IQCE: variants seen among roughly 807,000 people sequenced by gnomAD.
IQCE encodes the protein IQ motif containing E.
IQCE carries 115 observed loss-of-function variants against 96.0 expected under a neutral mutation model. The observed-to-expected ratio is 1.20, with a 90% CI of 1.03 to 1.40. The LOEUF is 1.40. IQCE is among the 40% of genes most tolerant of loss of function. The probability of loss-of-function intolerance (pLI) is 0.00; values close to 1 mark genes in which losing one functional copy is unlikely to be tolerated. For synonymous variants in IQCE, 412 were observed against 371.2 expected, an observed-to-expected ratio of 1.11 and a Z score of -1.26; for missense variants, 1,041 against 909.1, an observed-to-expected ratio of 1.15 and a Z score of -1.87.
rs144425687 is a variant in IQCE, at chr7:2,582,465, A to G, written c.631-115A>G. ...GGGCCCGTAGTCTAGAAGAGAGCACAGCGCTGGAGGGAGGAAGGACAGTGA... is the reference window on the plus strand; with the variant it reads ...GGGCCCGTAGTCTAGAAGAGAGCACGGCGCTGGAGGGAGGAAGGACAGTGA... On this transcript the variant is annotated intron_variant, in intron 8 of 21. Transcript: ENST00000402050. 3.7e-5 allele frequency: 30 copies of G among 818,620 alleles called. No individual in the cohort carries two copies. In the African/African-American group the frequency reaches 4.7e-4, roughly 13 times the overall value. The allele number at this position is 818,620 out of a possible 1,614,324, so 50.7% of individuals were successfully genotyped here.
At chr7:2,603,971 C>T (rs1358241953) in intron 18 of IQCE, among the ~76,000 whole-genome samples, 2 of 140,384 alleles carry the variant, frequency 1.4e-5, no homozygotes, top group African/African-American at 2.7e-5. Flanking sequence ...GTGTGAACTT[C>T]TTACGGAGCT....
rs1404615517 is a variant in IQCE at position 2,594,952 on chromosome 7, G to A, written c.1416G>A (p.Glu472=). ...AAGAAATGAAGAAAGAAGAGAAAGA[G>A]GATTGCCCGGAAGTTCCTCATAAGG... ...ELQEMKKEEK[E]DCPEVPHKAQ... Residue 472 remains glutamate, a synonymous_variant, in exon 16 of 22, where the codon GAG becomes GAA. Transcript: ENST00000402050. 6.2e-7 allele frequency: 1 copy of A among 1,613,274 alleles called. No individual in the cohort carries two copies. Among genetic ancestry groups the A allele is most frequent in the African/African-American group, 1.3e-5 (1 of 74,928 alleles).
chr7:2,607,424 C>T (rs183769559), intron 21 of IQCE, 197 bp downstream of exon 21: 36 of 1,341,664 alleles, frequency 2.7e-5, no homozygotes, highest in African/African-American at 1.5e-4. Flanking sequence ...CCAGCTTGTC[C>T]TTTGTGCCTG....
rs928395737 is a variant in IQCE, at chr7:2,571,368, A to G, written c.131-158A>G. On this transcript the variant is annotated intron_variant, in intron 3 of 21. Coordinates refer to ENST00000402050, the MANE Select transcript of IQCE (RefSeq NM_152558.5). ...AAAGTTAAAGGAGAAATGTCAGTAT[A>G]TAGGTAAAGTAACTCTTTTTTCATT... 5.9e-5 allele frequency: 50 copies of G among 845,112 alleles called. 1 individual carries two copies. Among genetic ancestry groups the G allele is most frequent in the Non-Finnish European group, 8.0e-5 (42 of 527,260 alleles). The allele number at this position is 845,112 out of a possible 1,614,324, so 52.4% of individuals were successfully genotyped here.
intron 2 of IQCE, among the ~76,000 whole-genome samples, chr7:2,568,708 C>T (rs1024395368): frequency 1.3e-5 from 2 of 152,126 alleles, no homozygotes; most frequent in South Asian, 2.1e-4. Context: ...AGCCCGGGCC[C>T]GATGGTTTTC....
intron 18 of IQCE, among the ~76,000 whole-genome samples, chr7:2,604,119 G>GCCCTC (rs1784626206): frequency 8.1e-6 from 1 of 124,184 alleles, no homozygotes. Flanking sequence ...CTCCTGAGTA[G>GCCCTC]CTGGGACTAC....
intron 20 of IQCE, 112 bp from the exon 21 acceptor site, chr7:2,607,012 T>G: frequency 1.0e-6 from 1 of 989,070 alleles, no homozygotes; most frequent in African/African-American, 1.7e-5. Flanking sequence ...GCTCTGTGTT[T>G]GCTTTCATTG....
chr7:2,594,896 C>G lies in IQCE; in HGVS notation c.1360C>G (p.Gln454Glu), dbSNP rs769101458. 3 of 1,611,570 alleles carry G rather than the reference C, an allele frequency of 1.9e-6. No homozygotes were observed. The East Asian group carries it at 6.7e-5, about 36-fold the overall frequency. ...EREEVLREEIQTLTSKLQELQ... is the reference protein window; with the variant it reads ...EREEVLREEIETLTSKLQELQ... ...CCCTTTCCGCCTTAGAGAGGAGATT[C>G]AGACACTTACCAGCAAGCTCCAAGA... The change falls in exon 16 of 22, where the codon CAG becomes GAG. Residue 454 changes from glutamine (Q) to glutamate (E), a missense_variant. By Grantham distance (29) the Gln-to-Glu change is conservative. Coordinates refer to ENST00000402050, the MANE Select transcript of IQCE (RefSeq NM_152558.5).
intron 1 of IQCE, among the ~76,000 whole-genome samples, chr7:2,561,523 G>GCATT (rs1374221411): frequency 6.6e-6 from 1 of 151,144 alleles, no homozygotes; most frequent in Non-Finnish European, 1.5e-5. Context: ...CGGGTTCATA[G>GCATT]CATTCTCCTG....
chr7:2,561,692 AT>A (rs1562613571), intron 1 of IQCE, among the ~76,000 whole-genome samples: 1 of 152,184 alleles, frequency 6.6e-6, no homozygotes, highest in African/African-American at 2.4e-5. Context: ...AAGTGCTGGG[AT>A]TACTGGCCTG....
At position 2,586,197 on chromosome 7, in the gene IQCE, G is replaced by A. The variant is rs745821447; in HGVS notation, c.825-11G>A. ...CAATGCAAACCTCAGTCCACGATTT[G>A]GTTGTTCCAGGCCCCTGGGGGAGAA... On this transcript the variant is annotated splice_polypyrimidine_tract_variant and intron_variant, in intron 11 of 21. Transcript: ENST00000402050. 118 of 1,609,522 alleles carry A rather than the reference G, an allele frequency of 7.3e-5. No homozygotes were observed. The highest frequency in any genetic ancestry group is 5.5e-4 in the South Asian group (50 of 90,542).
In IQCE at chr7:2,610,499, G is replaced by T; in HGVS notation, c.*337G>T. 4.2e-6 allele frequency: 1 copy of T among 236,720 alleles called. No homozygotes were observed. The highest frequency in any genetic ancestry group is 1.2e-4 in the East Asian group (1 of 8,036). 14.7% of individuals were successfully genotyped at this position (236,720 alleles called of 1,614,324 possible). ...TGACAGCACCTTGCCGCCTGCCCACGACCTTGACCGTGAGGAGCTGCTATC... is the reference window on the plus strand; with the variant it reads ...TGACAGCACCTTGCCGCCTGCCCACTACCTTGACCGTGAGGAGCTGCTATC... On this transcript the variant is annotated 3_prime_UTR_variant, in exon 22 of 22. Transcript: ENST00000402050.
chr7:2,599,960 A>C (rs975078543), intron 17 of IQCE, among the ~76,000 whole-genome samples: 1 of 151,722 alleles, frequency 6.6e-6, no homozygotes, highest in African/African-American at 2.4e-5. Flanking sequence ...TGCACAGCTA[A>C]TTTTTGTATT....
In IQCE at chr7:2,559,890, G is replaced by A. The variant is rs1479607044; in HGVS notation, c.36+673G>A. Reference sequence around the variant, plus strand: ...TGGCCGGGAGCCGTGGCTCAGGCCGGTAGTCCCCCGGTAGTCCCTGCACTC... The same window carrying A: ...TGGCCGGGAGCCGTGGCTCAGGCCGATAGTCCCCCGGTAGTCCCTGCACTC... On this transcript the variant is annotated intron_variant, in intron 1 of 21. Transcript: ENST00000402050. 2.6e-5 allele frequency among the ~76,000 whole-genome samples: 4 copies of A among 152,234 alleles called. No individual in the cohort carries two copies. In the East Asian group the frequency reaches 7.7e-4, roughly 29 times the overall value.
intron 6 of IQCE, among the ~76,000 whole-genome samples, chr7:2,574,297 C>T (rs1781964637): frequency 6.6e-6 from 1 of 152,342 alleles, no homozygotes; most frequent in East Asian, 1.9e-4. Flanking sequence ...TTGGCAGCCT[C>T]GTCCCCAGAG....
intron 8 of IQCE, among the ~76,000 whole-genome samples, chr7:2,578,838 A>G (rs1216462625): frequency 1.3e-5 from 2 of 152,192 alleles, no homozygotes; most frequent in Non-Finnish European, 2.9e-5. Context: ...AGGCAGGCAG[A>G]TCACTTGAGG....
In IQCE at chr7:2,601,424, T is replaced by C. The variant is rs1562676235; in HGVS notation, c.1609-17T>C. On this transcript the variant is annotated splice_polypyrimidine_tract_variant and intron_variant, in intron 17 of 21. Coordinates refer to ENST00000402050, the MANE Select transcript of IQCE (RefSeq NM_152558.5). ...CGTGTTAATTCATGTATTTTTTCTTTCTTTTTTTTTTTCCAGAAAAAAAAG... is the reference window on the plus strand; with the variant it reads ...CGTGTTAATTCATGTATTTTTTCTTCCTTTTTTTTTTTCCAGAAAAAAAAG... The C allele has an allele frequency of 6.1e-6, 9 of 1,480,972 alleles. No individual in the cohort carries two copies. Among genetic ancestry groups the C allele is most frequent in the Admixed American group, 3.7e-5 (2 of 54,228 alleles). The allele number at this position is 1,480,972 out of a possible 1,614,324, so 91.7% of individuals were successfully genotyped here.
intron 1 of IQCE, among the ~76,000 whole-genome samples, chr7:2,560,038 T>C (rs1027295339): frequency 6.6e-6 from 1 of 152,088 alleles, no homozygotes; most frequent in Non-Finnish European, 1.5e-5. Context: ...TGCCTGCCTG[T>C]AGTCCCAACT....
chr7:2,599,202 T>C (rs1421147925), intron 17 of IQCE, among the ~76,000 whole-genome samples: 2 of 152,186 alleles, frequency 1.3e-5, no homozygotes. Context: ...CGATTTTGTT[T>C]GTTTGTTTTT....
Sources: allele counts gnomAD v4.1 joint callset (sites outside exome capture counted in the v4.1 genomes callset), GRCh38; gene constraint gnomAD v4.1.1; transcripts MANE v1.5; gene names NCBI Gene and HGNC (gene_info 2026-07-23, HGNC 2026-07-21).